PSTPIP1: variants seen among roughly 807,000 people sequenced by gnomAD.
PSTPIP1 encodes proline-serine-threonine phosphatase interacting protein 1, also known as proline-serine-threonine phosphatase-interacting protein 1.
A neutral mutation model predicts 69.6 loss-of-function variants in PSTPIP1; 66 were observed. That is an observed-to-expected ratio of 0.95 (90% CI 0.78 to 1.16). The LOEUF (loss-of-function observed/expected upper bound fraction) is 1.16. Ranked by LOEUF, PSTPIP1 falls within the 50% of genes most tolerant of loss-of-function variation. The probability of loss-of-function intolerance (pLI) is 0.00; values close to 1 mark genes in which losing one functional copy is unlikely to be tolerated. For missense variants in PSTPIP1, 603 were observed against 557.4 expected (o/e 1.08, Z -0.82); for synonymous variants, 266 against 222.7 (o/e 1.19, Z -1.73).
chr15:76,995,170 C>G lies in PSTPIP1; in HGVS notation c.-404C>G, dbSNP rs964115657. ...TCGGGCTGCCTGCCTGCCTGCCTGC[C>G]TGGCCCGGCCCGAGCTCCAGCCTGC... On this transcript the variant is annotated 5_prime_UTR_variant, in exon 1 of 15. Coordinates refer to ENST00000558012, the MANE Select transcript of PSTPIP1 (RefSeq NM_003978.5). 1 of 1,193,068 alleles carries G rather than the reference C, an allele frequency of 8.4e-7. No individual in the cohort carries two copies. Among genetic ancestry groups the G allele is most frequent in the African/African-American group, 1.6e-5 (1 of 63,040 alleles). The allele number at this position is 1,193,068 out of a possible 1,614,324, so 73.9% of individuals were successfully genotyped here.
chr15:77,028,614 C>A lies in PSTPIP1; in HGVS notation c.478C>A (p.Arg160Ser), dbSNP rs1397291808. ...GGACGACGCGGAGCAGGCCTTCGAG[C>A]GCATTAGCGCCAACGGCCACCAGAA... ...DADDAEQAFE[R>S]ISANGHQKQV... The change falls in exon 7 of 15, where the codon CGC becomes AGC. Residue 160 changes from arginine (R) to serine (S), a missense_variant. Coordinates refer to ENST00000558012, the MANE Select transcript of PSTPIP1 (RefSeq NM_003978.5). 3.1e-6 allele frequency: 5 copies of A among 1,593,658 alleles called. No individual in the cohort carries two copies. Among genetic ancestry groups the A allele is most frequent in the Non-Finnish European group, 3.4e-6 (4 of 1,171,352 alleles).
intron 12 of PSTPIP1, among the ~76,000 whole-genome samples, chr15:77,034,927 C>T (rs1020219658): frequency 6.6e-6 from 1 of 152,256 alleles, no homozygotes; most frequent in Non-Finnish European, 1.5e-5. Flanking sequence ...AGTAGCCCAG[C>T]GCTGTCCCGG....
Position 77,025,330 on chromosome 15 carries a change from A to C in PSTPIP1, c.247+12A>C. ...CTCCTTGAAGCAGCGTAAGTCCCCT[A>C]CCCTGGGGCAATGGGATCTTTTGGG... On this transcript the variant is annotated intron_variant, in intron 4 of 14. Coordinates refer to ENST00000558012, the MANE Select transcript of PSTPIP1 (RefSeq NM_003978.5). 6.2e-7 allele frequency: 1 copy of C among 1,604,550 alleles called. No individual in the cohort carries two copies. Among genetic ancestry groups the C allele is most frequent in the Non-Finnish European group, 8.5e-7 (1 of 1,171,622 alleles).
chr15:77,010,223 T>C (rs992758613), intron 1 of PSTPIP1, among the ~76,000 whole-genome samples: 4 of 152,210 alleles, frequency 2.6e-5, no homozygotes, highest in Non-Finnish European at 5.9e-5. Context: ...TACAGAGCTG[T>C]GTAACCTGGA....
At chr15:77,029,622 G>A in intron 8 of PSTPIP1, 48 bp downstream of exon 8, 2 of 1,539,386 alleles carry the variant, frequency 1.3e-6, no homozygotes, top group Non-Finnish European at 1.8e-6. Flanking sequence ...GGCCTGGGCG[G>A]TACTCCCCAC....
At position 77,032,286 on chromosome 15, in the gene PSTPIP1, T is replaced by C; in HGVS notation, c.742-12T>C. 1.2e-6 allele frequency: 2 copies of C among 1,612,080 alleles called. No homozygotes were observed. Among genetic ancestry groups the C allele is most frequent in the Non-Finnish European group, 1.7e-6 (2 of 1,179,454 alleles). ...GGCATCGGGCTGCGGCCTCTGCTCT[T>C]TCCTGCCCCAGCTCTACGAGGAAGT... On this transcript the variant is annotated splice_polypyrimidine_tract_variant and intron_variant, in intron 10 of 14. Coordinates refer to ENST00000558012, the MANE Select transcript of PSTPIP1 (RefSeq NM_003978.5).
chr15:76,999,813 C>T (rs1268026819), intron 1 of PSTPIP1, among the ~76,000 whole-genome samples: 1 of 152,228 alleles, frequency 6.6e-6, no homozygotes, highest in Non-Finnish European at 1.5e-5. Context: ...CCCAGGTCCC[C>T]CATCCCCCGC....
intron 1 of PSTPIP1, among the ~76,000 whole-genome samples, chr15:77,000,564 G>C (rs1307464938): frequency 6.6e-6 from 1 of 151,960 alleles, no homozygotes; most frequent in Non-Finnish European, 1.5e-5. Flanking sequence ...AAAGGAAAGT[G>C]GGGAAATGGA....
At chr15:77,002,394 C>T (rs180899167) in intron 1 of PSTPIP1, among the ~76,000 whole-genome samples, 10 of 152,320 alleles carry the variant, frequency 6.6e-5, no homozygotes, top group Admixed American at 5.9e-4. Context: ...CTCTCCATCC[C>T]CCATCTAATT....
In PSTPIP1 at chr15:77,019,514, G is replaced by A. The variant is rs76586777; in HGVS notation, c.212+983G>A. 5.9e-3 allele frequency among the ~76,000 whole-genome samples: 894 copies of A among 152,294 alleles called. 6 individuals are homozygous for A. The highest frequency in any genetic ancestry group is 0.02 in the African/African-American group (845 of 41,552). On this transcript the variant is annotated intron_variant, in intron 3 of 14. Coordinates refer to ENST00000558012, the MANE Select transcript of PSTPIP1 (RefSeq NM_003978.5). ...TCCAACCAGGAGCCAGAGATCACAG[G>A]AAGGCTTAGATGTGGCATGAGCCGT...
chr15:77,037,043 A>G lies in PSTPIP1; in HGVS notation c.1120-2A>G. ...GTCATGCGCTTTCAATCTCTTGGCC[A>G]GAACCCAGATGAGCTGGACCTGTCC... On this transcript the variant is annotated splice_acceptor_variant, in intron 14 of 14. Coordinates refer to ENST00000558012, the MANE Select transcript of PSTPIP1 (RefSeq NM_003978.5). LOFTEE classifies it high-confidence loss of function. 1 of 1,611,870 alleles carries G rather than the reference A, an allele frequency of 6.2e-7. No individual in the cohort carries two copies.
At chr15:77,000,476 T>TACAC (rs893354130) in intron 1 of PSTPIP1, among the ~76,000 whole-genome samples, 3,333 of 146,782 alleles carry the variant, frequency 0.023, 149 homozygotes, top group African/African-American at 0.077. Context: ...TATATATATA[T>TACAC]ACACACACAC....
chr15:77,017,857 T>C (rs1277865536), intron 1 of PSTPIP1, among the ~76,000 whole-genome samples: 1 of 152,250 alleles, frequency 6.6e-6, no homozygotes, highest in Non-Finnish European at 1.5e-5. Flanking sequence ...CCATCTGCTA[T>C]CTCATGCTGA....
rs750160336 is a variant in PSTPIP1 at position 77,027,870 on chromosome 15, C to T, written c.373C>T (p.Arg125Trp). The T allele has an allele frequency of 3.3e-5, 52 of 1,569,432 alleles. No homozygotes were observed. Among genetic ancestry groups the T allele is most frequent in the Non-Finnish European group, 4.3e-5 (50 of 1,158,184 alleles). ...CCTGCAGTATGAGGCCGTCATGGAC[C>T]GGGTCCAGAAGAGCAAGCTGTCGCT... The part of the protein sequence containing the change: ...QRKKYEAVMD[R>W]VQKSKLSLYK... Residue 125 changes from arginine (R) to tryptophan (W), a missense_variant, in exon 6 of 15, where the codon CGG becomes TGG. Physicochemically the swap from Arg to Trp is moderately radical, Grantham distance 101. Coordinates refer to ENST00000558012, the MANE Select transcript of PSTPIP1 (RefSeq NM_003978.5). The surrounding 1 kb of genome is among the most constrained non-coding windows in gnomAD (Gnocchi z 4.3).
rs1368312171 is a variant in PSTPIP1 at position 77,035,869 on chromosome 15, G to A, written c.1053G>A (p.Gln351=). The A allele has an allele frequency of 3.1e-6, 5 of 1,610,700 alleles. No individual in the cohort carries two copies. Among genetic ancestry groups the A allele is most frequent in the South Asian group, 1.1e-5 (1 of 91,010 alleles). The change falls in exon 14 of 15, where the codon CAG becomes CAA. Residue 351 remains glutamine, a synonymous_variant. Coordinates refer to ENST00000558012, the MANE Select transcript of PSTPIP1 (RefSeq NM_003978.5). The stretch of plus-strand genomic sequence containing the variant: ...GTGTCTACACAGCCATCGCAGTGCA[G>A]GAGATACAGGGAAACCCGGCCTCAC... ...NEGVYTAIAV[Q]EIQGNPASPA...
chr15:77,017,399 G>T (rs996386838), intron 1 of PSTPIP1, among the ~76,000 whole-genome samples: 7 of 152,194 alleles, frequency 4.6e-5, no homozygotes, highest in Admixed American at 3.3e-4. Context: ...GCAGCAGAGG[G>T]TAGCTGTCCC....
At chr15:76,995,870 G>T (rs1171179230) in intron 1 of PSTPIP1, among the ~76,000 whole-genome samples, 2 of 152,208 alleles carry the variant, frequency 1.3e-5, no homozygotes, top group African/African-American at 4.8e-5. Context: ...CACAGCAGGA[G>T]CTCCTCAGAA....
In PSTPIP1 at chr15:77,020,880, G is replaced by T. The variant is rs572726889; in HGVS notation, c.212+2349G>T. Among the ~76,000 whole-genome samples the T allele has an allele frequency of 2.4e-3, 252 of 106,214 alleles. 3 individuals are homozygous for T. Among genetic ancestry groups the T allele is most frequent in the Admixed American group, 3.7e-3 (40 of 10,754 alleles). 69.7% of individuals were successfully genotyped at this position (106,214 alleles called of 152,430 possible). The stretch of plus-strand genomic sequence containing the variant: ...TCTTAGACTCCTGTGGGGGGGGGGG[G>T]TGTGTGTGTTGGCCCTCAGGAAAGG... On this transcript the variant is annotated intron_variant, in intron 3 of 14. Transcript: ENST00000558012.
chr15:77,037,259 C>T lies in PSTPIP1; in HGVS notation c.*83C>T. On this transcript the variant is annotated 3_prime_UTR_variant, in exon 15 of 15. Coordinates refer to ENST00000558012, the MANE Select transcript of PSTPIP1 (RefSeq NM_003978.5). The stretch of plus-strand genomic sequence containing the variant: ...GCACTGTCCCCACCTTGCTAGGGCC[C>T]AGAACCAAGCGTCCCCCAGCCCCGA... 1.3e-6 allele frequency: 2 copies of T among 1,500,542 alleles called. No individual in the cohort carries two copies. The highest frequency in any genetic ancestry group is 1.8e-6 in the Non-Finnish European group (2 of 1,117,198). 93.0% of individuals were successfully genotyped at this position (1,500,542 alleles called of 1,614,324 possible).
Sources: allele counts gnomAD v4.1 joint callset (sites outside exome capture counted in the v4.1 genomes callset), GRCh38; gene constraint gnomAD v4.1.1; non-coding constraint Gnocchi (gnomAD v3.1); transcripts MANE v1.5; gene names NCBI Gene and HGNC (gene_info 2026-07-23, HGNC 2026-07-21).